Variants in SLC11A2 observed in about 807,000 individuals in gnomAD.
The protein encoded by SLC11A2 is natural resistance-associated macrophage protein 2.
SLC11A2 carries 38 observed loss-of-function variants against 68.0 expected under a neutral mutation model. That is an observed-to-expected ratio of 0.56 (90% CI 0.43 to 0.73). SLC11A2 has a LOEUF of 0.73. Ranked by LOEUF, SLC11A2 falls within the 30% of genes least tolerant of loss-of-function variation. The probability of loss-of-function intolerance (pLI) is 0.00; values close to 1 mark genes in which losing one functional copy is unlikely to be tolerated. For missense variants in SLC11A2, 517 were observed against 690.5 expected (o/e 0.75, Z 2.82); for synonymous variants, 242 against 250.6 (o/e 0.97, Z 0.32).
At chr12:51,016,513 C>A (rs1468152595) in intron 1 of SLC11A2, among the ~76,000 whole-genome samples, 2 of 151,944 alleles carry the variant, frequency 1.3e-5, no homozygotes, top group Non-Finnish European at 2.9e-5. Flanking sequence ...GAGACCCCAT[C>A]TTTACTTAAG....
chr12:50,996,848 T>G lies in SLC11A2; in HGVS notation c.800A>C (p.His267Pro), dbSNP rs1288170304. ...VGIVGAVIMP[H>P]NMYLHSALVK... is the part of the protein sequence containing the mutation. ...TAAGGCAGAATGCAGGTACATGTTG[T>G]GTGGCATGATGACAGCTCCCACGAT... The change falls in exon 9 of 16, where the codon CAC becomes CCC. Residue 267 changes from histidine to proline, a missense_variant. By Grantham distance (77) the His-to-Pro change is moderately conservative. Coordinates refer to ENST00000262052, the MANE Select transcript of SLC11A2 (RefSeq NM_000617.3). The G allele has an allele frequency of 4.3e-6, 7 of 1,613,958 alleles. No individual in the cohort carries two copies. The highest frequency in any genetic ancestry group is 5.1e-6 in the Non-Finnish European group (6 of 1,180,018).
Position 50,986,958 on chromosome 12 carries a change from A to G in SLC11A2, c.*1367T>C, listed in dbSNP as rs1235162595. On this transcript the variant is annotated 3_prime_UTR_variant, in exon 16 of 16. Coordinates refer to ENST00000262052, the MANE Select transcript of SLC11A2 (RefSeq NM_000617.3). The stretch of plus-strand genomic sequence containing the variant: ...CTCCAAAAATGAGAAGTCCTTCAAC[A>G]CCATTTTCCATTACTGTTCTCACCA... 12 of 1,287,094 alleles carry G rather than the reference A, an allele frequency of 9.3e-6. No individual in the cohort carries two copies. The Middle Eastern group carries it at 1.3e-3, about 139-fold the overall frequency. The allele number at this position is 1,287,094 out of a possible 1,614,324, so 79.7% of individuals were successfully genotyped here.
chr12:50,975,088 G>T (rs2136111433), downstream of SLC11A2, among the ~76,000 whole-genome samples: 1 of 152,296 alleles, frequency 6.6e-6, no homozygotes, highest in African/African-American at 2.4e-5. Flanking sequence ...CAATGAGACA[G>T]AAGGTTAACA....
Position 50,987,050 on chromosome 12 carries a change from C to A in SLC11A2, c.*1275G>T, listed in dbSNP as rs899592573. The A allele has an allele frequency of 1.6e-6, 2 of 1,286,556 alleles. No homozygotes were observed. Among genetic ancestry groups the A allele is most frequent in the East Asian group, 1.1e-4 (2 of 18,012 alleles). 79.7% of individuals were successfully genotyped at this position (1,286,556 alleles called of 1,614,324 possible). ...AAAGTGATTTGATTTGAGATAATCACACAATCTCAGGCTCGGTATGTAAAA... is the reference window on the plus strand; with the variant it reads ...AAAGTGATTTGATTTGAGATAATCAAACAATCTCAGGCTCGGTATGTAAAA... On this transcript the variant is annotated 3_prime_UTR_variant, in exon 16 of 16. Transcript: ENST00000262052.
chr12:51,025,851 G>A, intron 1 of SLC11A2: 7 of 988,582 alleles, frequency 7.1e-6, no homozygotes, highest in Non-Finnish European at 8.4e-6. Flanking sequence ...TGAGTCTTTT[G>A]TTGAAGCGGG....
chr12:50,972,230 T>C, the SLC11A2 span, among the ~76,000 whole-genome samples: 3 of 152,224 alleles, frequency 2.0e-5, no homozygotes, highest in Non-Finnish European at 4.4e-5. Flanking sequence ...GCACTAAAAA[T>C]AGATTAAGAG....
At chr12:50,985,197 C>T (rs1565976073), downstream of SLC11A2, among the ~76,000 whole-genome samples, 1 of 152,016 alleles carries the variant, frequency 6.6e-6, no homozygotes, top group Non-Finnish European at 1.5e-5. Flanking sequence ...ATTGGTCCTA[C>T]CAATGAAGGA....
chr12:50,970,339 CT>C, the SLC11A2 span: 1 of 710,082 alleles, frequency 1.4e-6, no homozygotes, highest in African/African-American at 1.8e-5. Context: ...TTGTTTGTTT[CT>C]GTTTAAATTG....
intron 12 of SLC11A2, among the ~76,000 whole-genome samples, chr12:50,992,599 G>GC (rs1407125231): frequency 6.6e-6 from 1 of 151,828 alleles, no homozygotes; most frequent in Non-Finnish European, 1.5e-5. Context: ...GAGTATGGTG[G>GC]CCAGAGCCTG....
chr12:50,999,269 C>G, intron 7 of SLC11A2, 28 bp from the exon 8 acceptor site: 1 of 1,613,520 alleles, frequency 6.2e-7, no homozygotes, highest in Non-Finnish European at 8.5e-7. Context: ...GCAGTGAGCT[C>G]AGAGAAGGTA....
chr12:50,961,367 G>T, the SLC11A2 span, among the ~76,000 whole-genome samples: 1 of 152,158 alleles, frequency 6.6e-6, no homozygotes, highest in Non-Finnish European at 1.5e-5. Flanking sequence ...GTGGTGAATA[G>T]TTCCTATCCT....
At chr12:51,018,892 A>G (rs1943850943) in intron 1 of SLC11A2, among the ~76,000 whole-genome samples, 1 of 152,260 alleles carries the variant, frequency 6.6e-6, no homozygotes, top group Non-Finnish European at 1.5e-5. Flanking sequence ...AGGTCTCCCT[A>G]AAATTAATTG....
At chr12:51,008,238 AT>A (rs1359165169) in intron 3 of SLC11A2, 16 of 420,284 alleles carry the variant, frequency 3.8e-5, no homozygotes, top group African/African-American at 2.5e-4. Context: ...AGATAGATAG[AT>A]AGATAGATAG....
rs1375628078 is a variant in SLC11A2, at chr12:51,008,248, A to C, written c.183+228T>G. ...CAGATAGATAGATAGATAGATAGAT[A>C]GATAGATAGATAGACGGACAGACAG... On this transcript the variant is annotated intron_variant, in intron 3 of 15. Coordinates refer to ENST00000262052, the MANE Select transcript of SLC11A2 (RefSeq NM_000617.3). 848 of 294,498 alleles carry C rather than the reference A, an allele frequency of 2.9e-3. 6 individuals carry two copies. Among genetic ancestry groups the C allele is most frequent in the African/African-American group, 7.9e-3 (296 of 37,666 alleles). The allele number at this position is 294,498 out of a possible 1,614,324, so 18.2% of individuals were successfully genotyped here. A position where few individuals can be genotyped will look rare whatever the true frequency, so the allele number is the denominator to read the frequency against.
chr12:50,953,807 C>G, the SLC11A2 span: 1 of 520,624 alleles, frequency 1.9e-6, no homozygotes, highest in Non-Finnish European at 3.4e-6. Context: ...TATCCCCTTC[C>G]CCTGCAAAAT....
the SLC11A2 span, among the ~76,000 whole-genome samples, chr12:50,962,264 C>T: frequency 6.6e-6 from 1 of 150,532 alleles, no homozygotes; most frequent in Non-Finnish European, 1.5e-5. Context: ...CACAAAATAG[C>T]TGGGTGTGGT....
At chr12:51,012,980 CG>C (rs1420421771) in intron 1 of SLC11A2, among the ~76,000 whole-genome samples, 1 of 152,176 alleles carries the variant, frequency 6.6e-6, no homozygotes, top group Non-Finnish European at 1.5e-5. Flanking sequence ...CCGACGTTCC[CG>C]GCAAAGCCTT....
chr12:50,965,878 T>G, the SLC11A2 span, among the ~76,000 whole-genome samples: 31 of 152,184 alleles, frequency 2.0e-4, no homozygotes, highest in Non-Finnish European at 3.7e-4. Flanking sequence ...CCCTCTTCAT[T>G]CAAGGGATTT....
chr12:50,997,986 CAA>C (rs35033972), intron 8 of SLC11A2, among the ~76,000 whole-genome samples: 130 of 136,676 alleles, frequency 9.5e-4, no homozygotes, highest in Non-Finnish European at 9.0e-4. Flanking sequence ...GACTCCATCT[CAA>C]AAAAAAAAAA....
Sources: gnomAD v4.1 joint callset for allele counts (sites outside exome capture counted in the v4.1 genomes callset) on GRCh38, gnomAD v4.1.1 for gene constraint, MANE v1.5 for transcripts, NCBI Gene and HGNC (gene_info 2026-07-23, HGNC 2026-07-21) for gene names.